BIN1: variants seen among roughly 807,000 people sequenced by gnomAD.
BIN1 encodes bridging integrator 1, also known as myc box-dependent-interacting protein 1.
In BIN1, 53 loss-of-function variants were observed where a neutral mutation model predicts 82.0. That is an observed-to-expected ratio of 0.65 (90% CI 0.52 to 0.81). BIN1 has a LOEUF of 0.81. Ranked by LOEUF, BIN1 falls within the 40% of genes least tolerant of loss-of-function variation. BIN1 has a pLI of 0.00. For synonymous variants in BIN1, 302 were observed against 328.0 expected (o/e 0.92, Z 0.86); for missense variants, 642 against 784.4 (o/e 0.82, Z 2.17).
intron 10 of BIN1, 55 bp downstream of exon 10, chr2:127,062,060 G>C (rs549983891): frequency 1.6e-5 from 24 of 1,545,018 alleles, no homozygotes; most frequent in Non-Finnish European, 2.0e-5. Context: ...ACAGGAAGGA[G>C]CCCTGCCCCT....
At chr2:127,050,297 C>T (rs1322770969) in intron 18 of BIN1, 124 bp downstream of exon 18, 11 of 974,812 alleles carry the variant, frequency 1.1e-5, no homozygotes, top group South Asian at 5.5e-5. Flanking sequence ...GCAGTTGGCG[C>T]GGGAGCCCTG....
At chr2:127,104,867 G>T (rs1340789756) in intron 1 of BIN1, among the ~76,000 whole-genome samples, 1 of 152,212 alleles carries the variant, frequency 6.6e-6, no homozygotes, top group Non-Finnish European at 1.5e-5. Context: ...TGCCTGTCAT[G>T]ATGGTCATGC....
chr2:127,059,189 T>C lies in BIN1; in HGVS notation c.858-34A>G, dbSNP rs1558811436. On this transcript the variant is annotated intron_variant, in intron 10 of 18. Coordinates refer to ENST00000316724, the MANE Select transcript of BIN1 (RefSeq NM_139343.3). The surrounding 1 kb of genome is among the most constrained non-coding windows in gnomAD (Gnocchi z 6.7). ...GAGGACAAGAAAGGGAGCCCAGTGT[T>C]GGGGGGCCAAGGCACAGGAGACGGA... The C allele has an allele frequency of 7.1e-6, 11 of 1,554,720 alleles. No homozygotes were observed. Among genetic ancestry groups the C allele is most frequent in the African/African-American group, 1.4e-5 (1 of 73,008 alleles).
In BIN1 at chr2:127,057,557, C is replaced by A. The variant is rs148945502; in HGVS notation, c.1047G>T (p.Pro349=). 1.3e-6 allele frequency: 2 copies of A among 1,543,466 alleles called. No individual in the cohort carries two copies. The highest frequency in any genetic ancestry group is 1.8e-6 in the Non-Finnish European group (2 of 1,141,416). Residue 349 remains proline (P), a synonymous_variant, in exon 12 of 19, where the codon CCG becomes CCT. Coordinates refer to ENST00000316724, the MANE Select transcript of BIN1 (RefSeq NM_139343.3). The surrounding 1 kb of genome is among the most constrained non-coding windows in gnomAD (Gnocchi z 5.0). ...TCTGCTCCTGCTTGACTTCCTTGGA[C>A]GGGGTGTGTTTGGGAGGCGGAGGGA... is the stretch of plus-strand genomic sequence containing the variant. ...PPVPPPPKHT[P]SKEVKQEQIL...
chr2:127,078,385 C>T (rs1686886788), intron 1 of BIN1, among the ~76,000 whole-genome samples: 1 of 152,182 alleles, frequency 6.6e-6, no homozygotes, highest in African/African-American at 2.4e-5. Context: ...CCTGGGCAGT[C>T]AGTGAGACTT....
At chr2:127,061,200 A>G (rs1041870255) in intron 10 of BIN1, among the ~76,000 whole-genome samples, 1 of 82,246 alleles carries the variant, frequency 1.2e-5, no homozygotes, top group African/African-American at 4.8e-5. Context: ...CACAACCCCC[A>G]CCCCGCTACC....
At chr2:127,078,801 C>G (rs1686943032) in intron 1 of BIN1, among the ~76,000 whole-genome samples, 1 of 152,124 alleles carries the variant, frequency 6.6e-6, no homozygotes, top group Non-Finnish European at 1.5e-5. Context: ...CCTCACCCGG[C>G]TCTGCAAAGA....
intron 9 of BIN1, 70 bp downstream of exon 9, chr2:127,063,500 CT>C (rs1330784825): frequency 7.3e-6 from 11 of 1,503,664 alleles, no homozygotes; most frequent in Middle Eastern, 1.8e-4. Context: ...CAGGCTGCCC[CT>C]CCCACGACTC....
rs1679263388 is a variant in BIN1 at position 127,093,988 on chromosome 2, C to A, written c.84+12872G>T. On this transcript the variant is annotated intron_variant, in intron 1 of 18. Transcript: ENST00000316724. The surrounding 1 kb of genome is among the most constrained non-coding windows in gnomAD (Gnocchi z 5.7). ...GGGCATGGGTGCAGCTAGACACCCC[C>A]CACTGGCCTAAGGCCCTGCTCCCTG... Among the ~76,000 whole-genome samples, 1 of 152,204 alleles carries A rather than the reference C, an allele frequency of 6.6e-6. No homozygotes were observed. Among genetic ancestry groups the A allele is most frequent in the African/African-American group, 2.4e-5 (1 of 41,450 alleles).
intron 1 of BIN1, among the ~76,000 whole-genome samples, chr2:127,094,418 C>T (rs189798251): frequency 6.6e-6 from 1 of 152,318 alleles, no homozygotes; most frequent in Admixed American, 6.5e-5. Flanking sequence ...AGGATTGAGA[C>T]CAGCAAACAG....
chr2:127,077,797 A>C (rs13388023), intron 1 of BIN1, among the ~76,000 whole-genome samples: 27,580 of 152,216 alleles, frequency 0.18, 2,680 homozygotes, highest in South Asian at 0.25. Flanking sequence ...GTCTGCAGCC[A>C]AAGAGGCACC....
At chr2:127,074,957 C>G (rs1029840154) in intron 2 of BIN1, among the ~76,000 whole-genome samples, 1 of 152,126 alleles carries the variant, frequency 6.6e-6, no homozygotes, top group Non-Finnish European at 1.5e-5. Flanking sequence ...TGCCTTGGCC[C>G]CCCAAAGTGC....
At chr2:127,087,065 G>C (rs62158724) in intron 1 of BIN1, among the ~76,000 whole-genome samples, 2 of 152,144 alleles carry the variant, frequency 1.3e-5, no homozygotes, top group Non-Finnish European at 2.9e-5. Flanking sequence ...TGAAATACTG[G>C]TGAGAGCAAA....
At chr2:127,063,114 T>G (rs1379843467) in intron 9 of BIN1, among the ~76,000 whole-genome samples, 2 of 152,232 alleles carry the variant, frequency 1.3e-5, no homozygotes, top group Non-Finnish European at 2.9e-5. Flanking sequence ...GGTACGCTAA[T>G]CAGACCAGAC....
chr2:127,050,624 C>T, intron 17 of BIN1, 102 bp from the exon 18 acceptor site: 2 of 1,405,950 alleles, frequency 1.4e-6, no homozygotes, highest in Non-Finnish European at 2.0e-6. Flanking sequence ...AGTATGGAGA[C>T]CAGGAGTGCT....
Position 127,057,676 on chromosome 2 carries a change from G to A in BIN1, c.1003-75C>T. On this transcript the variant is annotated intron_variant, in intron 11 of 18. Transcript: ENST00000316724. The surrounding 1 kb of genome is among the most constrained non-coding windows in gnomAD (Gnocchi z 5.0). ...ACGGGGTTTGGGGGAGACAGACAGAGACAAAGCCACGGTTAGTCACACCTC... is the reference window on the plus strand; with the variant it reads ...ACGGGGTTTGGGGGAGACAGACAGAAACAAAGCCACGGTTAGTCACACCTC... 7.0e-7 allele frequency: 1 copy of A among 1,434,122 alleles called. No individual in the cohort carries two copies. The highest frequency in any genetic ancestry group is 1.5e-5 in the South Asian group (1 of 66,522). The allele number at this position is 1,434,122 out of a possible 1,614,324, so 88.8% of individuals were successfully genotyped here.
At position 127,057,452 on chromosome 2, in the gene BIN1, GC is replaced by G; in HGVS notation, c.1131+20del. The G allele has an allele frequency of 6.5e-7, 1 of 1,541,106 alleles. No homozygotes were observed. Among genetic ancestry groups the G allele is most frequent in the Non-Finnish European group, 8.8e-7 (1 of 1,141,748 alleles). On this transcript the variant is annotated intron_variant, in intron 12 of 18. Transcript: ENST00000316724. This position sits in a 1 kb window ranked among gnomAD's most constrained non-coding sequence, Gnocchi z 5.0. Reference sequence around the variant, plus strand: ...GAGGGCAGGAAGAGAGGAGAGCTGGGCCGCGGCGGCCGCGGCTGACCTGGGA... The same window carrying G: ...GAGGGCAGGAAGAGAGGAGAGCTGGGCGCGGCGGCCGCGGCTGACCTGGGA...
In BIN1 at chr2:127,070,001, G is replaced by A. The variant is rs956631103; in HGVS notation, c.405C>T (p.Asp135=). The change falls in exon 5 of 19, where the codon GAC becomes GAT. Residue 135 remains aspartate (D), a synonymous_variant. Transcript: ENST00000316724. ...CTGCAAGTGGGTCTCTCACCTTGAT[G>A]TCGGGGAACTGGCCCAGGTACGTGT... The part of the protein sequence containing the change: ...TMDTYLGQFP[D]IKSRIAKRGR... 2.9e-5 allele frequency: 46 copies of A among 1,614,006 alleles called. No individual in the cohort carries two copies. The highest frequency in any genetic ancestry group is 3.8e-5 in the Non-Finnish European group (45 of 1,179,978).
intron 7 of BIN1, among the ~76,000 whole-genome samples, chr2:127,065,626 T>C (rs1387286839): frequency 1.3e-5 from 2 of 152,162 alleles, no homozygotes; most frequent in Non-Finnish European, 2.9e-5. Flanking sequence ...ACCCGGCTCC[T>C]GTACCCACTA....
Sources: gnomAD v4.1 joint callset for allele counts (sites outside exome capture counted in the v4.1 genomes callset) on GRCh38, gnomAD v4.1.1 for gene constraint, Gnocchi (gnomAD v3.1) non-coding constraint, MANE v1.5 for transcripts, NCBI Gene and HGNC (gene_info 2026-07-23, HGNC 2026-07-21) for gene names.